HNF4A: variants seen among roughly 807,000 people sequenced by gnomAD.
HNF4A encodes hepatocyte nuclear factor 4 alpha.
A neutral mutation model predicts 52.4 loss-of-function variants in HNF4A; 15 were observed. The observed-to-expected ratio is 0.29, with a 90% CI of 0.19 to 0.44. HNF4A has a LOEUF of 0.44. Among genes scored for constraint, HNF4A ranks in the 20% least tolerant of loss-of-function variants. HNF4A has a pLI of 1.00. For synonymous variants in HNF4A, 280 were observed against 264.4 expected (o/e 1.06, Z -0.57); for missense variants, 479 against 647.2 (o/e 0.74, Z 2.82).
In HNF4A at chr20:44,429,562, C is replaced by T; in HGVS notation, c.1322C>T (p.Ser441Leu). ...CCACAGCCCTCACCGCCAGGTGGCTCAGGGTCTGAGCCCTATAAGCTCCTG... is the reference window on the plus strand; with the variant it reads ...CCACAGCCCTCACCGCCAGGTGGCTTAGGGTCTGAGCCCTATAAGCTCCTG... Residue 441 changes from serine (S) to leucine (L), a missense_variant, in exon 10 of 10, where the codon TCA becomes TTA. Ser to Leu is a moderately radical substitution (Grantham distance 145). This residue lies in a region of HNF4A where 389 missense variants were observed against 525.1 expected (regional missense o/e 0.74). Transcript: ENST00000316099. 6.2e-7 allele frequency: 1 copy of T among 1,614,088 alleles called. No individual in the cohort carries two copies.
chr20:44,381,838 T>TG (rs1295502280), intron 1 of HNF4A, among the ~76,000 whole-genome samples: 1 of 152,150 alleles, frequency 6.6e-6, no homozygotes, highest in Non-Finnish European at 1.5e-5. Context: ...CTGGAACTCC[T>TG]GACCTCAAGT....
At chr20:44,414,695 G>A (rs1369199559) in intron 5 of HNF4A, 33 bp downstream of exon 5, 15 of 1,575,596 alleles carry the variant, frequency 9.5e-6, no homozygotes, top group African/African-American at 1.3e-5. Context: ...GGCAGTAGTG[G>A]GCAGTGGGCG....
chr20:44,416,851 G>A (rs891183021), intron 5 of HNF4A, among the ~76,000 whole-genome samples: 2 of 151,642 alleles, frequency 1.3e-5, no homozygotes, highest in Non-Finnish European at 2.9e-5. Context: ...CCCATCTAAC[G>A]TAGCCATTCT....
intron 1 of HNF4A, among the ~76,000 whole-genome samples, chr20:44,385,595 A>C (rs965881829): frequency 6.6e-6 from 1 of 151,366 alleles, no homozygotes; most frequent in African/African-American, 2.4e-5. Flanking sequence ...CAGCCTCCCA[A>C]GTAGCTGAAA....
chr20:44,407,068 G>A (rs371137047), intron 2 of HNF4A, among the ~76,000 whole-genome samples: 3 of 152,164 alleles, frequency 2.0e-5, no homozygotes, highest in African/African-American at 7.2e-5. Flanking sequence ...TATAGGATGT[G>A]GTGGAAATAG....
At position 44,430,310 on chromosome 20, in the gene HNF4A, G is replaced by T. The variant is rs2063863229; in HGVS notation, c.*645G>T. 1 of 152,566 alleles carries T rather than the reference G, an allele frequency of 6.6e-6. No homozygotes were observed. The highest frequency in any genetic ancestry group is 1.5e-5 in the Non-Finnish European group (1 of 68,240). 9.5% of individuals were successfully genotyped at this position (152,566 alleles called of 1,614,324 possible). ...ACCAGGCAGGGTCTAGAAGGCTGTG[G>T]TGAGGGAAGACGCCTTTCTCCTCCA... On this transcript the variant is annotated 3_prime_UTR_variant, in exon 10 of 10. Transcript: ENST00000316099.
intron 1 of HNF4A, among the ~76,000 whole-genome samples, chr20:44,356,807 A>C (rs1467603699): frequency 1.3e-5 from 2 of 152,148 alleles, no homozygotes; most frequent in African/African-American, 4.8e-5. Flanking sequence ...GATTTTTTAA[A>C]AGTTGGGTGC....
intron 1 of HNF4A, among the ~76,000 whole-genome samples, chr20:44,391,144 C>T (rs1210491674): frequency 6.6e-6 from 1 of 152,142 alleles, no homozygotes. Context: ...ATGGGGTCCC[C>T]TCCATCCCCT....
intron 1 of HNF4A, among the ~76,000 whole-genome samples, chr20:44,364,982 A>C (rs565735430): frequency 6.0e-4 from 91 of 152,272 alleles, no homozygotes; most frequent in African/African-American, 2.1e-3. Flanking sequence ...GGGGGTCTGG[A>C]AGATGTGGTC....
At position 44,407,757 on chromosome 20, in the gene HNF4A, T is replaced by TTGTG. The variant is rs35406830; in HGVS notation, c.385+314_385+317dup. On this transcript the variant is annotated intron_variant, in intron 3 of 9. Transcript: ENST00000316099. ...TCTGCGCCACCACAAAGCAGCCACGTTGTGTGTGTGTGTGTGTGTGTGTGT... is the reference window on the plus strand; with the variant it reads ...TCTGCGCCACCACAAAGCAGCCACGTTGTGTGTGTGTGTGTGTGTGTGTGTGTGT... Among the ~76,000 whole-genome samples, 45,201 of 145,714 alleles carry TTGTG rather than the reference T, an allele frequency of 0.31. 7,334 individuals are homozygous for TTGTG. The highest frequency in any genetic ancestry group is 0.4 in the African/African-American group (15,711 of 39,046).
rs144985350 is a variant in HNF4A, at chr20:44,412,362, G to A, written c.386-1332G>A. Among the ~76,000 whole-genome samples the A allele has an allele frequency of 5.5e-3, 838 of 152,320 alleles. 8 individuals carry two copies. Among genetic ancestry groups the A allele is most frequent in the African/African-American group, 0.02 (818 of 41,562 alleles). On this transcript the variant is annotated intron_variant, in intron 3 of 9. Coordinates refer to ENST00000316099, the MANE Select transcript of HNF4A (RefSeq NM_000457.6). ...GGTGGCTGGAGAGGGTGTCTGAAAG[G>A]CGACATTTGTGCAGAGGCAGGAGTG...
intron 3 of HNF4A, among the ~76,000 whole-genome samples, chr20:44,409,523 T>G (rs1396624470): frequency 1.3e-5 from 2 of 152,180 alleles, no homozygotes; most frequent in Non-Finnish European, 2.9e-5. Context: ...ACAGTGAAAG[T>G]TCAGGTCTGT....
upstream of HNF4A, among the ~76,000 whole-genome samples, chr20:44,396,308 C>CT (rs2063352798): frequency 6.6e-6 from 1 of 152,132 alleles, no homozygotes; most frequent in African/African-American, 2.4e-5. Flanking sequence ...AGCACCAGGG[C>CT]TAGCACAAAA....
chr20:44,369,437 G>C (rs2063009033), intron 1 of HNF4A, among the ~76,000 whole-genome samples: 2 of 151,352 alleles, frequency 1.3e-5, no homozygotes, highest in South Asian at 4.2e-4. Context: ...CTCAAAAAAA[G>C]AGAAAGGAAA....
At chr20:44,405,083 GGTGCGTGTGTGTGCTTGTGCGTAGCGTGT>G (rs1305402132) in intron 1 of HNF4A, among the ~76,000 whole-genome samples, 554 of 6,136 alleles carry the variant, frequency 0.09, no homozygotes, top group African/African-American at 0.21. Flanking sequence ...TGGACTGTGT[GGTGCGTGTGTGTGCTTGTGCGTAGCGTGT>G]GTGCGTGTGT....
rs1361079067 is a variant in HNF4A at position 44,414,554 on chromosome 20, G to A, written c.540G>A (p.Lys180=). Residue 180 remains lysine (K), a synonymous_variant, in exon 5 of 10, where the codon AAG becomes AAA. Transcript: ENST00000316099. ...TCAACGGCGACATTCGGGCGAAGAA[G>A]ATTGCCAGCATCGCAGATGTGTGTG... is the stretch of plus-strand genomic sequence containing the variant. The A allele has an allele frequency of 1.9e-6, 3 of 1,614,252 alleles. No homozygotes were observed. Among genetic ancestry groups the A allele is most frequent in the Middle Eastern group, 3.3e-4 (2 of 6,062 alleles).
chr20:44,360,277 G>T (rs563369447), intron 1 of HNF4A, among the ~76,000 whole-genome samples: 1 of 152,160 alleles, frequency 6.6e-6, no homozygotes, highest in Non-Finnish European at 1.5e-5. Flanking sequence ...GTGATAGATG[G>T]GTGGAGGGAT....
At chr20:44,418,353 G>C in intron 5 of HNF4A, 72 bp from the exon 6 acceptor site, 2 of 1,220,224 alleles carry the variant, frequency 1.6e-6, no homozygotes, top group Non-Finnish European at 2.4e-6. Flanking sequence ...GACTTGCCCA[G>C]CGTCACTGAG....
At chr20:44,400,493 G>C (rs1177741863), upstream of HNF4A, among the ~76,000 whole-genome samples, 1 of 151,844 alleles carries the variant, frequency 6.6e-6, no homozygotes, top group African/African-American at 2.4e-5. Context: ...TTTACCCAAG[G>C]TCCCAGTTAG....
Sources: allele counts gnomAD v4.1 joint callset (sites outside exome capture counted in the v4.1 genomes callset), GRCh38; gene constraint gnomAD v4.1.1; regional missense constraint gnomAD v4.1.1; transcripts MANE v1.5; gene names NCBI Gene and HGNC (gene_info 2026-07-23, HGNC 2026-07-21).